Variants in RFX3 observed in about 807,000 individuals in gnomAD.
RFX3 encodes transcription factor RFX3.
In RFX3, 14 loss-of-function variants were observed where a neutral mutation model predicts 98.6. The ratio of observed to expected loss-of-function variants is 0.14; its 90% CI spans 0.09 to 0.22. The LOEUF is 0.22. RFX3 is among the 10% of genes least tolerant of loss of function. RFX3 has a pLI of 1.00. For synonymous variants in RFX3, 383 were observed against 328.4 expected, an observed-to-expected ratio of 1.17 and a Z score of -1.80; for missense variants, 639 against 926.9, an observed-to-expected ratio of 0.69 and a Z score of 4.03.
intron 4 of RFX3, among the ~76,000 whole-genome samples, chr9:3,329,269 A>G (rs1832293319): frequency 6.6e-6 from 1 of 151,826 alleles, no homozygotes; most frequent in Admixed American, 6.6e-5. Flanking sequence ...TTAGCCAGGC[A>G]TGGTGGCATG....
At chr9:3,389,459 C>T (rs1193077865) in intron 2 of RFX3, among the ~76,000 whole-genome samples, 1 of 151,926 alleles carries the variant, frequency 6.6e-6, no homozygotes, top group Admixed American at 6.6e-5. Context: ...ATATTTTTAT[C>T]AATTTTATTG....
At chr9:3,232,843 G>A (rs956395070) in intron 15 of RFX3, among the ~76,000 whole-genome samples, 1 of 151,294 alleles carries the variant, frequency 6.6e-6, no homozygotes, top group Non-Finnish European at 1.5e-5. Flanking sequence ...GGGAGGGAGG[G>A]GAAGGGAACA....
chr9:3,247,464 G>A, intron 15 of RFX3: 1 of 667,402 alleles, frequency 1.5e-6, no homozygotes. Flanking sequence ...AACCTCGGAT[G>A]CTTATTGTAA....
intron 1 of RFX3, among the ~76,000 whole-genome samples, chr9:3,425,072 T>C (rs1843879807): frequency 6.6e-6 from 1 of 152,044 alleles, no homozygotes; most frequent in Admixed American, 6.6e-5. Flanking sequence ...CTACAAAAAA[T>C]CTAAAAATTT....
chr9:3,383,276 G>C (rs1217621879), intron 2 of RFX3, among the ~76,000 whole-genome samples: 1 of 152,060 alleles, frequency 6.6e-6, no homozygotes, highest in African/African-American at 2.4e-5. Context: ...TGCTCAAATA[G>C]TCCTTTATAT....
At chr9:3,268,094 A>G (rs1823888810) in intron 11 of RFX3, among the ~76,000 whole-genome samples, 1 of 152,034 alleles carries the variant, frequency 6.6e-6, no homozygotes, top group East Asian at 1.9e-4. Flanking sequence ...ACCTCTGGTT[A>G]TACTTCCAAT....
intron 10 of RFX3, 95 bp downstream of exon 10, chr9:3,270,908 A>T (rs1824345149): frequency 6.5e-6 from 10 of 1,545,482 alleles, no homozygotes; most frequent in Non-Finnish European, 8.9e-6. Flanking sequence ...TAATGTCATC[A>T]GGTAAGGTTC....
At chr9:3,357,061 T>C (rs1346243737) in intron 2 of RFX3, among the ~76,000 whole-genome samples, 6 of 151,364 alleles carry the variant, frequency 4.0e-5, no homozygotes, top group Admixed American at 4.0e-4. Context: ...AAAATACAAA[T>C]ATTATATTTA....
At chr9:3,314,648 C>A (rs1287311785) in intron 4 of RFX3, among the ~76,000 whole-genome samples, 1 of 151,582 alleles carries the variant, frequency 6.6e-6, no homozygotes, top group Non-Finnish European at 1.5e-5. Context: ...CAGAGACACA[C>A]ATAGGCTCAA....
At chr9:3,508,242 A>C (rs1193347619) in intron 1 of RFX3, among the ~76,000 whole-genome samples, 1 of 151,974 alleles carries the variant, frequency 6.6e-6, no homozygotes, top group East Asian at 1.9e-4. Context: ...ACAGCAGTCT[A>C]GTATTTAGTT....
intron 14 of RFX3, among the ~76,000 whole-genome samples, chr9:3,248,965 C>G (rs1008678868): frequency 6.6e-6 from 1 of 151,870 alleles, no homozygotes; most frequent in Non-Finnish European, 1.5e-5. Context: ...CTTCAACATG[C>G]CAATCATTAA....
At chr9:3,383,808 G>A (rs1369618329) in intron 2 of RFX3, among the ~76,000 whole-genome samples, 2 of 152,026 alleles carry the variant, frequency 1.3e-5, no homozygotes, top group Non-Finnish European at 2.9e-5. Flanking sequence ...GGGGGTTTCT[G>A]GTAAGCGGAA....
At chr9:3,270,816 G>A (rs1824326204) in intron 10 of RFX3, 187 bp downstream of exon 10, 2 of 753,220 alleles carry the variant, frequency 2.7e-6, no homozygotes, top group South Asian at 1.9e-5. Context: ...AGTACAAATG[G>A]GAGCTATATA....
chr9:3,439,689 T>G (rs934598039), intron 1 of RFX3, among the ~76,000 whole-genome samples: 1 of 151,990 alleles, frequency 6.6e-6, no homozygotes. Flanking sequence ...TCAAATGACT[T>G]CTACCAAACA....
chr9:3,229,142 C>T (rs1043633197), intron 15 of RFX3, among the ~76,000 whole-genome samples: 1 of 152,178 alleles, frequency 6.6e-6, no homozygotes, highest in Non-Finnish European at 1.5e-5. Context: ...TTCCTTGCTC[C>T]ATTTTACCTT....
chr9:3,485,613 G>A (rs1459657055), intron 1 of RFX3, among the ~76,000 whole-genome samples: 1 of 152,054 alleles, frequency 6.6e-6, no homozygotes, highest in Non-Finnish European at 1.5e-5. Flanking sequence ...ATCTCTCTCA[G>A]AATAAAAGAA....
chr9:3,486,263 G>T (rs373442386), intron 1 of RFX3, among the ~76,000 whole-genome samples: 26 of 151,852 alleles, frequency 1.7e-4, no homozygotes, highest in African/African-American at 5.8e-4. Context: ...AGAGCCCAGT[G>T]AACTTTTAGG....
chr9:3,330,075 A>G lies in RFX3; in HGVS notation c.474+184T>C, dbSNP rs571391434. On this transcript the variant is annotated intron_variant, in intron 4 of 16. Coordinates refer to ENST00000617270, the MANE Select transcript of RFX3 (RefSeq NM_001282116.2). ...ACTCTAATTCACCTGATTAGAGGGC[A>G]TATGTATCAGTAACATTCTGCATAA... Among the ~76,000 whole-genome samples, 8 of 152,314 alleles carry G rather than the reference A, an allele frequency of 5.3e-5. No homozygotes were observed. The South Asian group carries it at 8.3e-4, about 16-fold the overall frequency.
At chr9:3,440,612 T>C (rs1845530941) in intron 1 of RFX3, among the ~76,000 whole-genome samples, 2 of 152,180 alleles carry the variant, frequency 1.3e-5, no homozygotes, top group South Asian at 4.1e-4. Flanking sequence ...AGGTATAACT[T>C]GTTCATGGGT....
Sources: gnomAD v4.1 joint callset for allele counts (sites outside exome capture counted in the v4.1 genomes callset) on GRCh38, gnomAD v4.1.1 for gene constraint, MANE v1.5 for transcripts, NCBI Gene and HGNC (gene_info 2026-07-23, HGNC 2026-07-21) for gene names.